Variants in DAB1 observed in about 807,000 individuals in gnomAD.
The protein encoded by DAB1 is DAB adaptor protein 1, also known as disabled homolog 1.
DAB1 carries 15 observed loss-of-function variants against 64.6 expected under a neutral mutation model. The observed-to-expected ratio is 0.23, with a 90% CI of 0.16 to 0.36. The LOEUF is 0.36. Among genes scored for constraint, DAB1 ranks in the 10% least tolerant of loss-of-function variants. DAB1 has a pLI of 1.00. For synonymous variants in DAB1, 235 were observed against 251.9 expected, an observed-to-expected ratio of 0.93 and a Z score of 0.64; for missense variants, 596 against 706.7, an observed-to-expected ratio of 0.84 and a Z score of 1.78.
At chr1:57,279,069 T>C (rs1053553656) in intron 2 of DAB1, among the ~76,000 whole-genome samples, 3 of 152,228 alleles carry the variant, frequency 2.0e-5, no homozygotes, top group South Asian at 2.1e-4. Flanking sequence ...ATATTATTCA[T>C]AGATTTGGGG....
In DAB1 at chr1:57,231,124, G is replaced by T. The variant is rs530248416; in HGVS notation, c.67+59840C>A. Among the ~76,000 whole-genome samples, 3 of 152,218 alleles carry T rather than the reference G, an allele frequency of 2.0e-5. No individual in the cohort carries two copies. In the South Asian group the frequency reaches 6.2e-4, roughly 32 times the overall value. ...AATAGATCATCAACCAAGCATTCCT[G>T]ATTTCTATATCTAAAATGTAAAATT... On this transcript the variant is annotated intron_variant, in intron 2 of 14. Transcript: ENST00000371236.
intron 7 of DAB1, among the ~76,000 whole-genome samples, chr1:57,539,552 TTC>T (rs772095978): frequency 5.3e-5 from 8 of 152,204 alleles, no homozygotes; most frequent in Non-Finnish European, 1.2e-4. Flanking sequence ...CTTCTATAAA[TTC>T]TCTGAGAATC....
At chr1:57,421,229 C>A (rs1025293317) in intron 1 of DAB1, among the ~76,000 whole-genome samples, 4 of 152,148 alleles carry the variant, frequency 2.6e-5, no homozygotes, top group Non-Finnish European at 4.4e-5. Context: ...GATACAATCT[C>A]TTCCCGGCAG....
At chr1:57,203,756 G>C (rs1022151107) in intron 2 of DAB1, among the ~76,000 whole-genome samples, 1 of 152,036 alleles carries the variant, frequency 6.6e-6, no homozygotes, top group Non-Finnish European at 1.5e-5. Flanking sequence ...TTTTTCAACT[G>C]TTCTGTCTCT....
intron 5 of DAB1, among the ~76,000 whole-genome samples, chr1:57,945,157 G>A (rs12039640): frequency 0.4 from 61,397 of 151,870 alleles, 13,541 homozygotes; most frequent in Admixed American, 0.51. Context: ...TAGCCTAAAT[G>A]CTTCCATGCA....
chr1:57,579,981 C>A (rs549205667), intron 7 of DAB1, among the ~76,000 whole-genome samples: 1 of 152,202 alleles, frequency 6.6e-6, no homozygotes, highest in Non-Finnish European at 1.5e-5. Flanking sequence ...GGGACTATGG[C>A]AAGAGACTTC....
At chr1:58,526,965 A>C (rs1012838506) in intron 2 of DAB1, among the ~76,000 whole-genome samples, 6 of 152,090 alleles carry the variant, frequency 3.9e-5, no homozygotes, top group African/African-American at 4.8e-5. Context: ...ACACGCAAAA[A>C]ATTATTTCCA....
In DAB1 at chr1:58,506,753, GA is replaced by G. The variant is rs1464541588; in HGVS notation, n.108-545del. Among the ~76,000 whole-genome samples the G allele has an allele frequency of 7.2e-5, 11 of 151,998 alleles. No individual in the cohort carries two copies. The East Asian group carries it at 1.9e-3, about 27-fold the overall frequency. On this transcript the variant is annotated intron_variant and non_coding_transcript_variant, in intron 2 of 20. Transcript: ENST00000485760. ...TACTTCTATGCCACTAGAACAATCA[GA>G]AAAAAACTTCAAATAAACATAAAGA...
chr1:57,244,324 C>T (rs1668710355), intron 2 of DAB1, among the ~76,000 whole-genome samples: 1 of 151,990 alleles, frequency 6.6e-6, no homozygotes, highest in Non-Finnish European at 1.5e-5. Flanking sequence ...TTAATGGCCA[C>T]AGTAAATATC....
At chr1:57,907,053 A>G (rs528601418) in intron 5 of DAB1, among the ~76,000 whole-genome samples, 1 of 152,334 alleles carries the variant, frequency 6.6e-6, no homozygotes, top group African/African-American at 2.4e-5. Flanking sequence ...GAATGTAAAA[A>G]CACTTATACA....
intron 4 of DAB1, among the ~76,000 whole-genome samples, chr1:58,297,336 G>A (rs759438128): frequency 3.3e-5 from 5 of 152,280 alleles, no homozygotes; most frequent in African/African-American, 1.2e-4. Flanking sequence ...TCAAATTCAA[G>A]TGTACATAAG....
intron 5 of DAB1, among the ~76,000 whole-genome samples, chr1:58,005,447 T>C (rs1570211493): frequency 6.6e-6 from 1 of 152,148 alleles, no homozygotes; most frequent in East Asian, 1.9e-4. Flanking sequence ...GCCTCACAAG[T>C]GTGTGGCCAG....
intron 6 of DAB1, among the ~76,000 whole-genome samples, chr1:57,739,423 C>A (rs1393370118): frequency 2.1e-5 from 1 of 48,346 alleles, no homozygotes; most frequent in African/African-American, 8.4e-5. Context: ...TATCCATAAT[C>A]CAACTCCCCT....
At position 58,467,702 on chromosome 1, in the gene DAB1, T is replaced by C. The variant is rs574312150; in HGVS notation, n.257+38358A>G. On this transcript the variant is annotated intron_variant and non_coding_transcript_variant, in intron 3 of 20. Transcript: ENST00000485760. ...CATAGCCAATTTCAAATTATTTTAT[T>C]ATTTTTCACTAGAAACAATTTGTTG... Among the ~76,000 whole-genome samples the C allele has an allele frequency of 3.3e-5, 5 of 152,382 alleles. No individual in the cohort carries two copies. In the East Asian group the frequency reaches 9.6e-4, roughly 29 times the overall value.
intron 3 of DAB1, among the ~76,000 whole-genome samples, chr1:58,485,892 G>T (rs1162383864): frequency 2.0e-5 from 3 of 152,136 alleles, no homozygotes; most frequent in Admixed American, 6.5e-5. Flanking sequence ...ATGTCATAGA[G>T]AAAATACTCT....
intron 5 of DAB1, among the ~76,000 whole-genome samples, chr1:58,060,567 C>T (rs891189963): frequency 6.6e-6 from 1 of 152,144 alleles, no homozygotes; most frequent in African/African-American, 2.4e-5. Context: ...CCGCAGATGC[C>T]CAGGAGATCT....
intron 6 of DAB1, among the ~76,000 whole-genome samples, chr1:57,669,242 G>A (rs1199400616): frequency 6.6e-6 from 1 of 152,072 alleles, no homozygotes; most frequent in African/African-American, 2.4e-5. Flanking sequence ...TTTTTTTACT[G>A]ACGGAATCCA....
At chr1:58,055,882 G>GTTGTTATTATTATTATTATTA (rs375780832) in intron 5 of DAB1, among the ~76,000 whole-genome samples, 2 of 147,700 alleles carry the variant, frequency 1.4e-5, no homozygotes, top group South Asian at 2.2e-4. Context: ...ATCACACCGA[G>GTTGTTATTATTATTATTATTA]TTATTATTAT....
intron 14 of DAB1, among the ~76,000 whole-genome samples, chr1:57,003,725 TC>T (rs1165989168): frequency 6.6e-6 from 1 of 152,196 alleles, no homozygotes; most frequent in Non-Finnish European, 1.5e-5. Flanking sequence ...CCTAGTCTAA[TC>T]TACTTTCCAT....
Sources: allele counts gnomAD v4.1 joint callset (sites outside exome capture counted in the v4.1 genomes callset), GRCh38; gene constraint gnomAD v4.1.1; transcripts MANE v1.5; gene names NCBI Gene and HGNC (gene_info 2026-07-23, HGNC 2026-07-21).